Variants in CEP89 observed in about 807,000 individuals in gnomAD.
The protein encoded by CEP89 is centrosomal protein of 89 kDa.
Under a neutral mutation model 97.6 loss-of-function variants are expected in CEP89, and 95 were observed. The observed-to-expected ratio is 0.97, with a 90% CI of 0.82 to 1.15. The LOEUF is 1.15. Among genes scored for constraint, CEP89 ranks in the 50% most tolerant of loss-of-function variants. CEP89 has a pLI of 0.00. For synonymous variants in CEP89, 354 were observed against 349.1 expected, an observed-to-expected ratio of 1.01 and a Z score of -0.16; for missense variants, 869 against 947.7, an observed-to-expected ratio of 0.92 and a Z score of 1.09.
intron 14 of CEP89, among the ~76,000 whole-genome samples, chr19:32,907,732 G>A (rs1022865972): frequency 4.6e-5 from 7 of 152,044 alleles, no homozygotes; most frequent in African/African-American, 1.7e-4. Flanking sequence ...GATTATAGGC[G>A]CATGCCACCA....
intron 1 of CEP89, 46 bp from the exon 2 acceptor site, chr19:32,966,512 A>T (rs1393544463): frequency 8.2e-7 from 1 of 1,214,418 alleles, no homozygotes; most frequent in African/African-American, 1.5e-5. Context: ...GGGTCACTGG[A>T]TCACCTGAGT....
At chr19:32,896,740 A>G (rs565229437) in intron 16 of CEP89, among the ~76,000 whole-genome samples, 15 of 152,214 alleles carry the variant, frequency 9.9e-5, no homozygotes, top group African/African-American at 3.6e-4. Flanking sequence ...AATACCCAGG[A>G]TATACAAGGA....
At chr19:32,946,797 G>A (rs895623954) in intron 5 of CEP89, among the ~76,000 whole-genome samples, 3 of 152,068 alleles carry the variant, frequency 2.0e-5, no homozygotes, top group African/African-American at 7.2e-5. Context: ...TTCACCTTCT[G>A]CCATGACTGT....
intron 17 of CEP89, among the ~76,000 whole-genome samples, chr19:32,885,781 C>G (rs535786573): frequency 6.6e-6 from 1 of 152,258 alleles, no homozygotes; most frequent in Admixed American, 6.5e-5. Flanking sequence ...GCAGAATAAG[C>G]CACTGTTTTG....
intron 6 of CEP89, 64 bp from the exon 7 acceptor site, chr19:32,937,737 C>A (rs941360496): frequency 4.4e-6 from 5 of 1,135,738 alleles, no homozygotes; most frequent in South Asian, 1.3e-5. Context: ...AGTGGACACA[C>A]GCAGCTAGGT....
At position 32,933,593 on chromosome 19, in the gene CEP89, CAT is replaced by C; in HGVS notation, c.742_743del (p.Met248GlyfsTer12). 2.5e-6 allele frequency: 4 copies of C among 1,613,070 alleles called. No individual in the cohort carries two copies. The highest frequency in any genetic ancestry group is 3.4e-6 in the Non-Finnish European group (4 of 1,179,118). On this transcript the variant is annotated frameshift_variant, in exon 8 of 19. Transcript: ENST00000305768. LOFTEE classifies it high-confidence loss of function. ...GGCTTTGATTCATATTGTTTAGGTCCATATTTTCTTCTTTTAATGCCTCAAAC... is the reference window on the plus strand; with the variant it reads ...GGCTTTGATTCATATTGTTTAGGTCCATTTTCTTCTTTTAATGCCTCAAAC... ...EKFEALKEEN[M>X]DLNNMNQSLT...
chr19:32,926,523 G>A (rs1970361141), intron 10 of CEP89, among the ~76,000 whole-genome samples: 1 of 152,104 alleles, frequency 6.6e-6, no homozygotes, highest in African/African-American at 2.4e-5. Context: ...GGCACAGGAG[G>A]CATCTACAAC....
rs1970304718 is a variant in CEP89, at chr19:32,923,966, G to A, written c.1165-424C>T. ...ATCCTTAATTAAAGCTAGATTTGGTGGGGAAGGGGTTAGTTAGTGTGGGAG... is the reference window on the plus strand; with the variant it reads ...ATCCTTAATTAAAGCTAGATTTGGTAGGGAAGGGGTTAGTTAGTGTGGGAG... On this transcript the variant is annotated intron_variant, in intron 11 of 18. Transcript: ENST00000305768. 5.3e-5 allele frequency among the ~76,000 whole-genome samples: 8 copies of A among 151,572 alleles called. No individual in the cohort carries two copies. The South Asian group carries it at 1.7e-3, about 32-fold the overall frequency.
Position 32,921,356 on chromosome 19 carries a change from T to C in CEP89, c.1268+2083A>G, listed in dbSNP as rs58284066. ...AGCGGCAAGGTCTGCCCACCAAGTGTGATGCTCCAGAGCCCAGAGACCCTC... is the reference window on the plus strand; with the variant it reads ...AGCGGCAAGGTCTGCCCACCAAGTGCGATGCTCCAGAGCCCAGAGACCCTC... On this transcript the variant is annotated intron_variant, in intron 12 of 18. Coordinates refer to ENST00000305768, the MANE Select transcript of CEP89 (RefSeq NM_032816.5). Among the ~76,000 whole-genome samples, 999 of 151,768 alleles carry C rather than the reference T, an allele frequency of 6.6e-3. 13 individuals are homozygous for C. Among genetic ancestry groups the C allele is most frequent in the African/African-American group, 0.023 (949 of 41,334 alleles).
intron 5 of CEP89, among the ~76,000 whole-genome samples, chr19:32,946,421 G>T (rs944324993): frequency 2.6e-5 from 4 of 152,104 alleles, no homozygotes; most frequent in Non-Finnish European, 5.9e-5. Flanking sequence ...CCAAATCTGG[G>T]GACATAGAAA....
At chr19:32,904,668 T>C (rs925062051) in intron 14 of CEP89, among the ~76,000 whole-genome samples, 26 of 151,190 alleles carry the variant, frequency 1.7e-4, no homozygotes, top group African/African-American at 6.3e-4. Flanking sequence ...CTCCACTCAC[T>C]GCAACCTCCG....
intron 16 of CEP89, among the ~76,000 whole-genome samples, chr19:32,896,474 A>G (rs1442839049): frequency 4.6e-5 from 7 of 152,194 alleles, no homozygotes; most frequent in African/African-American, 1.2e-4. Context: ...TCCACTCACA[A>G]TGGTTTAAAG....
At chr19:32,967,432 G>A (rs1242014947) in intron 1 of CEP89, among the ~76,000 whole-genome samples, 1 of 150,984 alleles carries the variant, frequency 6.6e-6, no homozygotes, top group African/African-American at 2.4e-5. Flanking sequence ...TGAGAAGGGA[G>A]GAAAAACACC....
In CEP89 at chr19:32,953,686, C is replaced by T; in HGVS notation, c.421G>A (p.Gly141Arg). 6.2e-7 allele frequency: 1 copy of T among 1,614,000 alleles called. No individual in the cohort carries two copies. The highest frequency in any genetic ancestry group is 1.1e-5 in the South Asian group (1 of 91,080). Reference sequence around the variant, plus strand: ...CTGTCCTCCCGGGCACTGACATCCCCCAATTCCTTGCCGCTGGATGACAGC... The same window carrying T: ...CTGTCCTCCCGGGCACTGACATCCCTCAATTCCTTGCCGCTGGATGACAGC... ...TQLSSSGKEL[G>R]DVSAREDRGG... The change falls in exon 4 of 19, where the codon GGG becomes AGG. Residue 141 changes from glycine (G) to arginine (R), a missense_variant. Coordinates refer to ENST00000305768, the MANE Select transcript of CEP89 (RefSeq NM_032816.5).
intron 9 of CEP89, among the ~76,000 whole-genome samples, chr19:32,930,391 G>C (rs1211462057): frequency 6.6e-6 from 1 of 151,720 alleles, no homozygotes; most frequent in Non-Finnish European, 1.5e-5. Context: ...ATAATTCTGT[G>C]ACTACAATAA....
intron 5 of CEP89, among the ~76,000 whole-genome samples, chr19:32,941,860 C>T (rs1319502035): frequency 6.6e-6 from 1 of 152,196 alleles, no homozygotes; most frequent in Non-Finnish European, 1.5e-5. Flanking sequence ...TCATCTCTGA[C>T]ACACGGCTGG....
chr19:32,916,350 T>A (rs181072036), intron 13 of CEP89, among the ~76,000 whole-genome samples: 8 of 152,302 alleles, frequency 5.3e-5, no homozygotes, highest in African/African-American at 1.2e-4. Flanking sequence ...ATATACTTTT[T>A]AAAATAAAAT....
At chr19:32,965,225 C>T (rs1305057459) in intron 2 of CEP89, among the ~76,000 whole-genome samples, 1 of 152,060 alleles carries the variant, frequency 6.6e-6, no homozygotes, top group African/African-American at 2.4e-5. Flanking sequence ...ATAGTGAGAC[C>T]TCCATCTCTG....
Position 32,876,419 on chromosome 19 carries a change from C to A in CEP89, c.*2743G>T. Reference sequence around the variant, plus strand: ...AAGGGTTCCCTGCTCAGACCAGACACTTGCAGCATGGGGAAGGAGGAGCCC... The same window carrying A: ...AAGGGTTCCCTGCTCAGACCAGACAATTGCAGCATGGGGAAGGAGGAGCCC... On this transcript the variant is annotated 3_prime_UTR_variant, in exon 19 of 19. Coordinates refer to ENST00000305768, the MANE Select transcript of CEP89 (RefSeq NM_032816.5). 1 of 152,978 alleles carries A rather than the reference C, an allele frequency of 6.5e-6. No individual in the cohort carries two copies. Among genetic ancestry groups the A allele is most frequent in the Non-Finnish European group, 1.5e-5 (1 of 68,542 alleles). 9.5% of individuals were successfully genotyped at this position (152,978 alleles called of 1,614,324 possible).
Sources: gnomAD v4.1 joint callset for allele counts (sites outside exome capture counted in the v4.1 genomes callset) on GRCh38, gnomAD v4.1.1 for gene constraint, MANE v1.5 for transcripts, NCBI Gene and HGNC (gene_info 2026-07-23, HGNC 2026-07-21) for gene names.